CACNB2: variants seen among roughly 807,000 people sequenced by gnomAD.
CACNB2 encodes the protein voltage-dependent L-type calcium channel subunit beta-2.
CACNB2 carries 42 observed loss-of-function variants against 73.3 expected under a neutral mutation model. The observed-to-expected ratio is 0.57, with a 90% CI of 0.45 to 0.74. The LOEUF is 0.74. Among genes scored for constraint, CACNB2 ranks in the 30% least tolerant of loss-of-function variants. The pLI, the probability that CACNB2 is intolerant of heterozygous loss-of-function variation, is 0.00. For synonymous variants in CACNB2, 348 were observed against 310.3 expected (o/e 1.12, Z -1.28); for missense variants, 940 against 853.0 (o/e 1.10, Z -1.27).
chr10:18,502,415 G>A (rs1415962888), intron 5 of CACNB2, among the ~76,000 whole-genome samples: 9 of 151,694 alleles, frequency 5.9e-5, no homozygotes, highest in Admixed American at 1.3e-4. Flanking sequence ...CGGGGGCCAC[G>A]TGCGGTGGCT....
chr10:18,205,829 CAA>C (rs771635280), intron 2 of CACNB2, among the ~76,000 whole-genome samples: 2 of 152,092 alleles, frequency 1.3e-5, no homozygotes, highest in African/African-American at 2.4e-5. Context: ...GTCAAGGAGG[CAA>C]AGAGTTTCTA....
chr10:18,285,151 TCCCAA>T (rs1337762940), intron 2 of CACNB2, among the ~76,000 whole-genome samples: 1 of 152,130 alleles, frequency 6.6e-6, no homozygotes, highest in Non-Finnish European at 1.5e-5. Flanking sequence ...GATGCACCTC[TCCCAA>T]CCCATGAGCC....
intron 3 of CACNB2, among the ~76,000 whole-genome samples, chr10:18,418,902 G>T (rs1464205704): frequency 1.3e-5 from 2 of 152,140 alleles, no homozygotes; most frequent in Non-Finnish European, 2.9e-5. Flanking sequence ...TCATTCCCTG[G>T]ATTTTTAAAC....
intron 3 of CACNB2, among the ~76,000 whole-genome samples, chr10:18,408,359 C>T (rs558049791): frequency 1.3e-5 from 2 of 151,626 alleles, no homozygotes; most frequent in African/African-American, 2.4e-5. Flanking sequence ...CTGCCTCAGC[C>T]TCCCGAGTAG....
Position 18,322,074 on chromosome 10 carries a change from T to C in CACNB2, c.214-79850T>C, listed in dbSNP as rs150417353. ...AAGTGGCTGAGGCAGGAGGATCTCT[T>C]GAGCCCAGGAGTTGGAGGCTGTGGT... On this transcript the variant is annotated intron_variant, in intron 2 of 13. Coordinates refer to ENST00000324631, the MANE Select transcript of CACNB2 (RefSeq NM_201596.3). 2.3e-3 allele frequency among the ~76,000 whole-genome samples: 350 copies of C among 152,202 alleles called. 2 individuals carry two copies. Among genetic ancestry groups the C allele is most frequent in the African/African-American group, 7.8e-3 (326 of 41,530 alleles).
At chr10:18,331,477 G>C (rs551116121) in intron 2 of CACNB2, among the ~76,000 whole-genome samples, 11 of 149,592 alleles carry the variant, frequency 7.4e-5, no homozygotes, top group East Asian at 5.8e-4. Flanking sequence ...AAAAAAGGAT[G>C]GGGGGGTGAA....
At chr10:18,317,324 G>A (rs1199228417) in intron 2 of CACNB2, among the ~76,000 whole-genome samples, 2 of 151,824 alleles carry the variant, frequency 1.3e-5, no homozygotes, top group Non-Finnish European at 2.9e-5. Flanking sequence ...CTGAGGTTTG[G>A]GCTTCTAAAG....
chr10:18,259,732 GAAAAAA>G (rs34296190), intron 2 of CACNB2, among the ~76,000 whole-genome samples: 1 of 41,002 alleles, frequency 2.4e-5, no homozygotes, highest in Non-Finnish European at 4.3e-5. Context: ...CTCTGTCTCA[GAAAAAA>G]AAAAAAAAAA....
At chr10:18,278,507 G>T (rs181295577) in intron 2 of CACNB2, among the ~76,000 whole-genome samples, 2 of 151,900 alleles carry the variant, frequency 1.3e-5, no homozygotes, top group Non-Finnish European at 2.9e-5. Context: ...GAGAAAAGTC[G>T]CAGTGACAGG....
intron 2 of CACNB2, among the ~76,000 whole-genome samples, chr10:18,385,683 C>T (rs1029365777): frequency 1.3e-5 from 2 of 149,912 alleles, no homozygotes; most frequent in African/African-American, 4.9e-5. Context: ...GACAGCAAAA[C>T]GGTGTATTTC....
intron 2 of CACNB2, among the ~76,000 whole-genome samples, chr10:18,332,267 TGG>T (rs2040835319): frequency 6.6e-6 from 1 of 151,422 alleles, no homozygotes; most frequent in Admixed American, 6.6e-5. Context: ...CTAAAGGGAG[TGG>T]TGGTGAGAGG....
chr10:18,346,385 G>A (rs893681717), intron 2 of CACNB2, among the ~76,000 whole-genome samples: 1 of 151,932 alleles, frequency 6.6e-6, no homozygotes, highest in Non-Finnish European at 1.5e-5. Context: ...AGTTCCACTC[G>A]CCTCGGCCTC....
In CACNB2 at chr10:18,367,234, A is replaced by G. The variant is rs1314478902; in HGVS notation, c.214-34690A>G. On this transcript the variant is annotated intron_variant, in intron 2 of 13. Transcript: ENST00000324631. The stretch of plus-strand genomic sequence containing the variant: ...ATTTTTTTTTTTTCCCTTAGGGACT[A>G]GCACAAATGTTGAAATACTTTGGGA... Among the ~76,000 whole-genome samples, 5 of 151,896 alleles carry G rather than the reference A, an allele frequency of 3.3e-5. No homozygotes were observed. In the East Asian group the frequency reaches 9.7e-4, roughly 29 times the overall value.
intron 3 of CACNB2, among the ~76,000 whole-genome samples, chr10:18,447,059 CAA>C (rs373210078): frequency 2.5e-5 from 3 of 121,882 alleles, no homozygotes; most frequent in East Asian, 2.3e-4. Flanking sequence ...GGCTCTGTCT[CAA>C]AAAAAAAAAA....
chr10:18,263,864 A>G (rs944026603), intron 2 of CACNB2, among the ~76,000 whole-genome samples: 1 of 152,214 alleles, frequency 6.6e-6, no homozygotes, highest in Non-Finnish European at 1.5e-5. Flanking sequence ...TTAAGACTCA[A>G]TGCATAAGCT....
intron 2 of CACNB2, among the ~76,000 whole-genome samples, chr10:18,208,786 A>G (rs1330656845): frequency 7.0e-6 from 1 of 142,796 alleles, no homozygotes; most frequent in Non-Finnish European, 1.6e-5. Context: ...TCTTAAGCAC[A>G]CTGTTTTAGA....
chr10:18,411,118 T>TA (rs368813801), intron 3 of CACNB2, among the ~76,000 whole-genome samples: 1 of 152,258 alleles, frequency 6.6e-6, no homozygotes, highest in African/African-American at 2.4e-5. Context: ...CTTCTTGCTT[T>TA]AAAAAATTGT....
rs183418099 is a variant in CACNB2, at chr10:18,254,894, A to T, written c.213+103919A>T. 2.7e-3 allele frequency among the ~76,000 whole-genome samples: 406 copies of T among 152,380 alleles called. 5 individuals carry two copies. Among genetic ancestry groups the T allele is most frequent in the Non-Finnish European group, 8.1e-4 (55 of 68,036 alleles). On this transcript the variant is annotated intron_variant, in intron 2 of 13. Transcript: ENST00000324631. ...GAACACGGGAACGTGTATGTATTAC[A>T]TTGGGTTTCATTTTCTGTTTCTGTC...
chr10:18,519,606 T>G, intron 9 of CACNB2: 1 of 424,864 alleles, frequency 2.4e-6, no homozygotes, highest in Non-Finnish European at 4.7e-6. Context: ...TCTCTCCTCA[T>G]GAGTATTTCC....
Sources: gnomAD v4.1 joint callset for allele counts (sites outside exome capture counted in the v4.1 genomes callset) on GRCh38, gnomAD v4.1.1 for gene constraint, MANE v1.5 for transcripts, NCBI Gene and HGNC (gene_info 2026-07-23, HGNC 2026-07-21) for gene names.